RAP1B: variants seen among roughly 807,000 people sequenced by gnomAD.
RAP1B encodes RAP1B, member of RAS oncogene family, also known as ras-related protein Rap-1b.
A neutral mutation model predicts 27.5 loss-of-function variants in RAP1B; 1 was observed. The observed-to-expected ratio is 0.04, with a 90% CI of 0.01 to 0.17. The LOEUF (loss-of-function observed/expected upper bound fraction) is 0.17, where lower values mean the gene tolerates loss of function less well. Among genes scored for constraint, RAP1B ranks in the 10% least tolerant of loss-of-function variants. RAP1B has a pLI of 1.00. For synonymous variants in RAP1B, 75 were observed against 73.1 expected (o/e 1.03, Z -0.13); for missense variants, 84 against 214.8 (o/e 0.39, Z 3.81).
intron 6 of RAP1B, 89 bp from the exon 7 acceptor site, chr12:68,657,012 A>G: frequency 9.2e-7 from 1 of 1,085,050 alleles, no homozygotes; most frequent in East Asian, 2.4e-5. Context: ...ATTTATATCC[A>G]TGGAAATTTC....
intron 2 of RAP1B, 53 bp from the exon 3 acceptor site, chr12:68,650,346 AT>A (rs1337906853): frequency 7.0e-7 from 1 of 1,425,796 alleles, no homozygotes; most frequent in Non-Finnish European, 9.4e-7. Context: ...TACATTAAAG[AT>A]TGAATGTACT....
intron 1 of RAP1B, among the ~76,000 whole-genome samples, chr12:68,633,444 T>C (rs1345621811): frequency 6.6e-6 from 1 of 152,270 alleles, no homozygotes; most frequent in Non-Finnish European, 1.5e-5. Context: ...CCCTGCTTCA[T>C]TGTGAGCTAA....
chr12:68,629,031 CTCTG>C (rs201745886), intron 1 of RAP1B, among the ~76,000 whole-genome samples: 2,249 of 151,908 alleles, frequency 0.015, 19 homozygotes, highest in Non-Finnish European at 0.02. Flanking sequence ...GTCTGTCTGT[CTCTG>C]TCTATTTTGA....
At chr12:68,632,011 A>T (rs1872272367) in intron 1 of RAP1B, among the ~76,000 whole-genome samples, 1 of 149,994 alleles carries the variant, frequency 6.7e-6, no homozygotes, top group Non-Finnish European at 1.5e-5. Flanking sequence ...CCACTTCATG[A>T]TGTAGCCATC....
intron 1 of RAP1B, among the ~76,000 whole-genome samples, chr12:68,622,295 A>G (rs1871439344): frequency 6.6e-6 from 1 of 152,106 alleles, no homozygotes; most frequent in Non-Finnish European, 1.5e-5. Context: ...ACTTGTTTTC[A>G]TTTTTGTCCT....
Position 68,651,990 on chromosome 12 carries a change from A to C in RAP1B, c.127-5A>C. Reference sequence around the variant, plus strand: ...AATGAACATGTATTTTAATTTTTCTACCAGCAAGTTGAAGTAGATGCACAA... The same window carrying C: ...AATGAACATGTATTTTAATTTTTCTCCCAGCAAGTTGAAGTAGATGCACAA... On this transcript the variant is annotated splice_region_variant and splice_polypyrimidine_tract_variant and intron_variant, in intron 3 of 7. Transcript: ENST00000250559. 6.2e-7 allele frequency: 1 copy of C among 1,610,932 alleles called. No individual in the cohort carries two copies. The highest frequency in any genetic ancestry group is 1.1e-5 in the South Asian group (1 of 90,894).
At chr12:68,626,726 G>A (rs769368555) in intron 1 of RAP1B, 1 of 707,986 alleles carries the variant, frequency 1.4e-6, no homozygotes, top group Non-Finnish European at 2.3e-6. Context: ...CTGGTCTCGG[G>A]TAAAGGTCTT....
At chr12:68,645,830 G>A (rs548932580) in intron 1 of RAP1B, among the ~76,000 whole-genome samples, 2 of 152,118 alleles carry the variant, frequency 1.3e-5, no homozygotes, top group South Asian at 4.2e-4. Context: ...GTACTGTTGG[G>A]TTTTTTTTGT....
At chr12:68,647,119 C>A (rs1026243851) in intron 1 of RAP1B, among the ~76,000 whole-genome samples, 2 of 152,138 alleles carry the variant, frequency 1.3e-5, no homozygotes, top group African/African-American at 4.8e-5. Context: ...GTGGTGTGAT[C>A]TCAGCTCACT....
intron 3 of RAP1B, chr12:68,651,714 A>C (rs916726075): frequency 2.3e-5 from 8 of 354,706 alleles, no homozygotes; most frequent in Admixed American, 4.1e-5. Context: ...TTTTTTCTCT[A>C]GAATTAAGTG....
At position 68,642,753 on chromosome 12, in the gene RAP1B, G is replaced by A. The variant is rs562429920; in HGVS notation, c.-26-5946G>A. ...ACCTGCGCAGTATATTTATCCTCTG[G>A]CACGGGAACCTTCAGGGCATTAAAC... On this transcript the variant is annotated intron_variant, in intron 1 of 7. Transcript: ENST00000250559. 2.0e-5 allele frequency: 21 copies of A among 1,072,436 alleles called. No homozygotes were observed. In the Admixed American group the frequency reaches 2.9e-4, roughly 15 times the overall value. 66.4% of individuals were successfully genotyped at this position (1,072,436 alleles called of 1,614,324 possible). A position where few individuals can be genotyped will look rare whatever the true frequency, so the allele number is the denominator to read the frequency against.
intron 1 of RAP1B, among the ~76,000 whole-genome samples, chr12:68,615,837 T>G (rs967852390): frequency 6.6e-6 from 1 of 152,218 alleles, no homozygotes; most frequent in Non-Finnish European, 1.5e-5. Flanking sequence ...TTTTAAATTT[T>G]AGCTGAATTC....
Position 68,616,192 on chromosome 12 carries a change from G to T in RAP1B, c.-27+5149G>T, listed in dbSNP as rs549480475. ...TTAGCCAGGATGGTCTGGATCTCCT[G>T]ACCTCGAGATCCACCTGCCTCGGCC... is the stretch of plus-strand genomic sequence containing the variant. On this transcript the variant is annotated intron_variant, in intron 1 of 7. Transcript: ENST00000250559. Among the ~76,000 whole-genome samples, 344 of 152,198 alleles carry T rather than the reference G, an allele frequency of 2.3e-3. 1 individual carries two copies. Among genetic ancestry groups the T allele is most frequent in the Middle Eastern group, 0.01 (3 of 294 alleles).
At chr12:68,649,767 G>GTATA (rs1873678120) in intron 2 of RAP1B, 1 of 152,330 alleles carries the variant, frequency 6.6e-6, no homozygotes, top group Non-Finnish European at 1.5e-5. Context: ...ATGTATGTGT[G>GTATA]TATACATAAC....
At chr12:68,631,322 C>T (rs760061647) in intron 1 of RAP1B, among the ~76,000 whole-genome samples, 49 of 151,762 alleles carry the variant, frequency 3.2e-4, no homozygotes, top group Non-Finnish European at 5.4e-4. Context: ...TTTTGTTTTT[C>T]GCCAAAAAAT....
intron 1 of RAP1B, among the ~76,000 whole-genome samples, chr12:68,640,715 G>C (rs1458766915): frequency 6.6e-6 from 1 of 151,796 alleles, no homozygotes; most frequent in Non-Finnish European, 1.5e-5. Context: ...TCATAATTTG[G>C]ATCAGTAATA....
chr12:68,631,073 A>G lies in RAP1B; in HGVS notation c.-26-17626A>G, dbSNP rs530973173. Among the ~76,000 whole-genome samples, 7 of 152,292 alleles carry G rather than the reference A, an allele frequency of 4.6e-5. No individual in the cohort carries two copies. In the South Asian group the frequency reaches 1.4e-3, roughly 32 times the overall value. On this transcript the variant is annotated intron_variant, in intron 1 of 7. Coordinates refer to ENST00000250559, the MANE Select transcript of RAP1B (RefSeq NM_001010942.3). ...AAGTGCTATGTTCTGTGATAGTGGT[A>G]TAACTAAATGTAACTTCAATGTGCC...
At chr12:68,628,480 ATG>A (rs1383345332) in intron 1 of RAP1B, among the ~76,000 whole-genome samples, 1 of 152,182 alleles carries the variant, frequency 6.6e-6, no homozygotes, top group Non-Finnish European at 1.5e-5. Flanking sequence ...TTATATGTAA[ATG>A]TGATTTGTAT....
chr12:68,656,275 T>C (rs765650503), intron 5 of RAP1B, 31 bp from the exon 6 acceptor site: 10 of 1,559,894 alleles, frequency 6.4e-6, no homozygotes, highest in Admixed American at 3.4e-5. Context: ...TATTTACTTA[T>C]TTATTTTTAC....
Sources: gnomAD v4.1 joint callset for allele counts (sites outside exome capture counted in the v4.1 genomes callset) on GRCh38, gnomAD v4.1.1 for gene constraint, MANE v1.5 for transcripts, NCBI Gene and HGNC (gene_info 2026-07-23, HGNC 2026-07-21) for gene names.